The following NRXN3 variants were observed in gnomAD, a reference collection of about 807,000 sequenced individuals.
NRXN3 encodes neurexin 3.
Under a neutral mutation model 137.6 loss-of-function variants are expected in NRXN3, and 32 were observed. That is an observed-to-expected ratio of 0.23 (90% CI 0.18 to 0.31). The LOEUF is 0.31. Ranked by LOEUF, NRXN3 falls within the 10% of genes least tolerant of loss-of-function variation. NRXN3 has a pLI of 1.00. For synonymous variants in NRXN3, 798 were observed against 784.5 expected (o/e 1.02, Z -0.29); for missense variants, 1,574 against 2,062.5 (o/e 0.76, Z 4.59).
chr14:78,541,809 T>C (rs1306324846), intron 4 of NRXN3, among the ~76,000 whole-genome samples: 1 of 152,170 alleles, frequency 6.6e-6, no homozygotes, highest in Non-Finnish European at 1.5e-5. Flanking sequence ...TTGGTGTAGA[T>C]GACCTTTCTG....
intron 4 of NRXN3, among the ~76,000 whole-genome samples, chr14:78,603,186 A>G (rs2097216224): frequency 6.6e-6 from 1 of 152,050 alleles, no homozygotes. Context: ...AGGGTTCCCA[A>G]AGGTCTTCTG....
intron 15 of NRXN3, among the ~76,000 whole-genome samples, chr14:79,441,659 C>T (rs1280417623): frequency 1.3e-5 from 2 of 151,984 alleles, no homozygotes; most frequent in Non-Finnish European, 2.9e-5. Context: ...GGATTACAGG[C>T]GTGAGCCACC....
At chr14:79,779,267 C>T (rs975947981) in intron 19 of NRXN3, among the ~76,000 whole-genome samples, 14 of 152,116 alleles carry the variant, frequency 9.2e-5, no homozygotes, top group Admixed American at 2.6e-4. Context: ...ACATGGGCCA[C>T]CCATGCCCGG....
chr14:79,291,324 A>G (rs1174182714), intron 15 of NRXN3, among the ~76,000 whole-genome samples: 1 of 151,978 alleles, frequency 6.6e-6, no homozygotes, highest in Non-Finnish European at 1.5e-5. Flanking sequence ...ATTTCTATAA[A>G]CGTTATAGTT....
chr14:78,478,954 G>A (rs778290868), intron 4 of NRXN3, among the ~76,000 whole-genome samples: 5 of 152,060 alleles, frequency 3.3e-5, no homozygotes, highest in Non-Finnish European at 7.4e-5. Context: ...GCAGAGATGT[G>A]TTAGTTGTCA....
chr14:78,435,682 C>T (rs1294531426), intron 4 of NRXN3, among the ~76,000 whole-genome samples: 1 of 152,188 alleles, frequency 6.6e-6, no homozygotes, highest in Non-Finnish European at 1.5e-5. Flanking sequence ...GAAACATTTT[C>T]ATCTCCCACC....
chr14:79,099,135 G>A (rs560458751), intron 15 of NRXN3, among the ~76,000 whole-genome samples: 1 of 152,336 alleles, frequency 6.6e-6, no homozygotes, highest in South Asian at 2.1e-4. Context: ...ATAGATGTGA[G>A]TAGGCAACCA....
intron 4 of NRXN3, among the ~76,000 whole-genome samples, chr14:78,566,383 T>G (rs972726154): frequency 6.8e-6 from 1 of 147,388 alleles, no homozygotes; most frequent in Admixed American, 6.6e-5. Context: ...AATGTTGGTT[T>G]TTTTTTTTTT....
chr14:79,686,904 C>T (rs535634414), intron 17 of NRXN3, among the ~76,000 whole-genome samples: 6 of 152,258 alleles, frequency 3.9e-5, no homozygotes, highest in Non-Finnish European at 7.4e-5. Context: ...ACTTGGTGTA[C>T]GACAGGGTGA....
At chr14:79,811,704 CCTGAGTAG>C (rs1331739660) in intron 20 of NRXN3, among the ~76,000 whole-genome samples, 1 of 150,652 alleles carries the variant, frequency 6.6e-6, no homozygotes, top group Non-Finnish European at 1.5e-5. Flanking sequence ...GCCTCAGTCT[CCTGAGTAG>C]CTGGGACTAC....
At chr14:79,200,974 A>G (rs1310826280) in intron 15 of NRXN3, 1 of 149,730 alleles carries the variant, frequency 6.7e-6, no homozygotes, top group Non-Finnish European at 1.5e-5. Context: ...CTAGCCTTTT[A>G]TTCTTTGAGC....
chr14:79,568,102 C>A (rs1322351131), intron 16 of NRXN3, among the ~76,000 whole-genome samples: 1 of 152,114 alleles, frequency 6.6e-6, no homozygotes, highest in African/African-American at 2.4e-5. Flanking sequence ...GTCAAAAATT[C>A]TTATTCACCG....
chr14:78,395,119 T>A (rs1408641785), intron 4 of NRXN3, among the ~76,000 whole-genome samples: 5 of 151,736 alleles, frequency 3.3e-5, no homozygotes, highest in African/African-American at 4.8e-5. Context: ...TTTTTTTAGG[T>A]TTTCGAGATG....
At chr14:78,253,580 T>G (rs2153464446) in intron 2 of NRXN3, among the ~76,000 whole-genome samples, 1 of 151,802 alleles carries the variant, frequency 6.6e-6, no homozygotes, top group East Asian at 1.9e-4. Flanking sequence ...GAAGCTGAGG[T>G]GGGAGGATCG....
chr14:79,818,046 GTTTTTTTTTT>G (rs55815632), intron 20 of NRXN3, among the ~76,000 whole-genome samples: 2 of 90,246 alleles, frequency 2.2e-5, no homozygotes, highest in Non-Finnish European at 4.3e-5. Flanking sequence ...GTGCACTTGG[GTTTTTTTTTT>G]TTTTTTTTTT....
chr14:79,356,573 A>G (rs1049704593), intron 15 of NRXN3, among the ~76,000 whole-genome samples: 1 of 152,126 alleles, frequency 6.6e-6, no homozygotes, highest in Non-Finnish European at 1.5e-5. Context: ...AATAGGAACA[A>G]ATTTACTAGC....
At chr14:79,430,978 C>T (rs563231213) in intron 15 of NRXN3, among the ~76,000 whole-genome samples, 5 of 152,212 alleles carry the variant, frequency 3.3e-5, no homozygotes, top group South Asian at 4.1e-4. Context: ...AGCTTTGTGA[C>T]TCCTCCCTCA....
intron 20 of NRXN3, among the ~76,000 whole-genome samples, chr14:79,812,461 A>T (rs1245321185): frequency 6.6e-6 from 1 of 152,114 alleles, no homozygotes; most frequent in Non-Finnish European, 1.5e-5. Context: ...CACCCTAAGG[A>T]TGTTGGAGCA....
At chr14:78,288,303 A>G (rs187952486) in intron 3 of NRXN3, among the ~76,000 whole-genome samples, 13 of 152,222 alleles carry the variant, frequency 8.5e-5, no homozygotes, top group Admixed American at 7.8e-4. Flanking sequence ...TCTAGATTAG[A>G]TATCTATTAA....
Sources: allele counts gnomAD v4.1 joint callset (sites outside exome capture counted in the v4.1 genomes callset), GRCh38; gene constraint gnomAD v4.1.1; transcripts MANE v1.5; gene names NCBI Gene and HGNC (gene_info 2026-07-23, HGNC 2026-07-21).